The following PRMT7 variants were observed in gnomAD, a reference collection of about 807,000 sequenced individuals.
The protein encoded by PRMT7 is protein arginine methyltransferase 7.
PRMT7 carries 75 observed loss-of-function variants against 85.4 expected under a neutral mutation model. That is an observed-to-expected ratio of 0.88 (90% confidence interval 0.73 to 1.06). The LOEUF is 1.06. Among genes scored for constraint, PRMT7 ranks in the 50% least tolerant of loss-of-function variants. PRMT7 has a pLI of 0.00. For missense variants in PRMT7, 868 were observed against 915.2 expected (o/e 0.95, Z 0.67); for synonymous variants, 397 against 359.5 (o/e 1.10, Z -1.18).
intron 6 of PRMT7, among the ~76,000 whole-genome samples, chr16:68,332,375 C>T (rs867397816): frequency 2.0e-5 from 3 of 152,276 alleles, no homozygotes; most frequent in Non-Finnish European, 4.4e-5. Context: ...TCCTTGGTCT[C>T]GAGTGTGTAA....
At chr16:68,350,906 T>C (rs192394563) in intron 14 of PRMT7, among the ~76,000 whole-genome samples, 2 of 152,388 alleles carry the variant, frequency 1.3e-5, no homozygotes, top group Admixed American at 6.5e-5. Context: ...ACCTCATTTC[T>C]CTTTCTTGCT....
At chr16:68,319,711 A>AGT (rs369478826) in intron 3 of PRMT7, among the ~76,000 whole-genome samples, 6,230 of 141,508 alleles carry the variant, frequency 0.044, 143 homozygotes, top group African/African-American at 0.055. Context: ...TAAGAGTGAG[A>AGT]GTGTGTGTGT....
downstream of PRMT7, chr16:68,359,426 C>T (rs1490667451): frequency 1.3e-5 from 2 of 152,684 alleles, no homozygotes; most frequent in Non-Finnish European, 2.9e-5. Context: ...GACGGTGCTT[C>T]CCAGGCCAGG....
At chr16:68,329,646 G>A (rs2083582618) in intron 6 of PRMT7, 1 of 153,614 alleles carries the variant, frequency 6.5e-6, no homozygotes, top group Non-Finnish European at 1.5e-5. Context: ...TTGCCTCACT[G>A]CAAGCTCTGC....
At chr16:68,322,396 C>T in intron 4 of PRMT7, 1 of 451,808 alleles carries the variant, frequency 2.2e-6, no homozygotes, top group Non-Finnish European at 4.4e-6. Flanking sequence ...CAGAGTTTCG[C>T]TGTATTGCCC....
At chr16:68,331,760 C>T (rs779573421) in intron 6 of PRMT7, among the ~76,000 whole-genome samples, 3 of 152,304 alleles carry the variant, frequency 2.0e-5, no homozygotes, top group Admixed American at 6.5e-5. Flanking sequence ...AGGCGTGGGC[C>T]GCTGTGCCTG....
chr16:68,354,362 G>GAGCA, intron 16 of PRMT7: 1 of 152,398 alleles, frequency 6.6e-6, no homozygotes. Context: ...CTGGGTGACA[G>GAGCA]AGCAAGACCT....
chr16:68,356,864 T>A, intron 18 of PRMT7, 67 bp downstream of exon 18: 1 of 1,480,310 alleles, frequency 6.8e-7, no homozygotes, highest in Non-Finnish European at 9.2e-7. Flanking sequence ...TGGGGAGGCC[T>A]CCCTGCCCCC....
At chr16:68,325,907 G>C (rs1316110953) in intron 5 of PRMT7, among the ~76,000 whole-genome samples, 23 of 152,178 alleles carry the variant, frequency 1.5e-4, no homozygotes, top group Admixed American at 1.5e-3. Flanking sequence ...GCAAGGTTGA[G>C]AACCACTACC....
intron 16 of PRMT7, among the ~76,000 whole-genome samples, chr16:68,353,812 C>G (rs1178863196): frequency 2.0e-5 from 3 of 152,230 alleles, no homozygotes; most frequent in Non-Finnish European, 4.4e-5. Flanking sequence ...CCTGCCAGTG[C>G]CCACAGCTTC....
rs1187906576 is a variant in PRMT7, at chr16:68,357,088, C to A, written c.1943C>A (p.Ala648Asp). Residue 648 changes from alanine (A) to aspartate (D), a missense_variant, in exon 19 of 19, where the codon GCC (alanine) becomes GAC (aspartate). Coordinates refer to ENST00000441236, the MANE Select transcript of PRMT7 (RefSeq NM_019023.5). ...GCCWNPHCKQ[A>D]VYFFSPAPDP... ...TGCTGGAACCCCCACTGCAAGCAGG[C>A]CGTCTACTTCTTCAGCCCTGCCCCA... 6.2e-7 allele frequency: 1 copy of A among 1,612,624 alleles called. No individual in the cohort carries two copies. The highest frequency in any genetic ancestry group is 2.2e-5 in the East Asian group (1 of 44,878).
intron 5 of PRMT7, among the ~76,000 whole-genome samples, chr16:68,326,391 A>G (rs1427501582): frequency 6.6e-6 from 1 of 152,104 alleles, no homozygotes; most frequent in African/African-American, 2.4e-5. Flanking sequence ...GATTACAGGT[A>G]TGTACCACTG....
intron 14 of PRMT7, chr16:68,351,549 C>T (rs2087353239): frequency 6.6e-6 from 1 of 152,624 alleles, no homozygotes; most frequent in Admixed American, 6.5e-5. Flanking sequence ...AGCCCCTCAC[C>T]CTGTCCTGGC....
chr16:68,344,955 C>T (rs747143327), intron 9 of PRMT7, among the ~76,000 whole-genome samples: 1 of 130,484 alleles, frequency 7.7e-6, no homozygotes, highest in Non-Finnish European at 1.6e-5. Context: ...CACACACACA[C>T]ACGGGCATGC....
chr16:68,312,453 G>T (rs1252222343), intron 2 of PRMT7, among the ~76,000 whole-genome samples: 1 of 151,994 alleles, frequency 6.6e-6, no homozygotes, highest in African/African-American at 2.4e-5. Flanking sequence ...GCGCAGGCTG[G>T]TCTGGAACTC....
At chr16:68,316,740 T>A (rs111368654) in intron 3 of PRMT7, 3 of 152,750 alleles carry the variant, frequency 2.0e-5, no homozygotes. Flanking sequence ...CACTCCAGCC[T>A]GGGCAACAAG....
chr16:68,324,826 C>T lies in PRMT7; in HGVS notation c.276C>T (p.Ala92=), dbSNP rs756638223. The change falls in exon 5 of 19, where the codon GCC becomes GCT. Residue 92 remains alanine, a synonymous_variant. Coordinates refer to ENST00000441236, the MANE Select transcript of PRMT7 (RefSeq NM_019023.5). ...AVTAGADFCY[A]IEVFKPMADA... ...CAGCAGGTGCCGACTTCTGCTATGC[C>T]ATCGAGGTAAGCCATTCCCTTCAGG... is the stretch of plus-strand genomic sequence containing the variant. 1 of 1,614,022 alleles carries T rather than the reference C, an allele frequency of 6.2e-7. No homozygotes were observed. Among genetic ancestry groups the T allele is most frequent in the Admixed American group, 1.7e-5 (1 of 60,018 alleles).
At chr16:68,330,920 A>G (rs1291826623) in intron 6 of PRMT7, among the ~76,000 whole-genome samples, 1 of 152,188 alleles carries the variant, frequency 6.6e-6, no homozygotes, top group Non-Finnish European at 1.5e-5. Context: ...TAAAATATAC[A>G]ATAGAGTGCT....
At chr16:68,356,250 C>T (rs980992836) in intron 17 of PRMT7, among the ~76,000 whole-genome samples, 2 of 152,226 alleles carry the variant, frequency 1.3e-5, no homozygotes, top group African/African-American at 2.4e-5. Flanking sequence ...CGTCCAGGGA[C>T]GGGCAGCCCT....
Sources: gnomAD v4.1 joint callset for allele counts (sites outside exome capture counted in the v4.1 genomes callset) on GRCh38, gnomAD v4.1.1 for gene constraint, MANE v1.5 for transcripts, NCBI Gene and HGNC (gene_info 2026-07-23, HGNC 2026-07-21) for gene names.